RBFOX1: variants seen among roughly 807,000 people sequenced by gnomAD.
The protein encoded by RBFOX1 is RNA binding fox-1 homolog 1.
In RBFOX1, 8 loss-of-function variants were observed where a neutral mutation model predicts 57.7. The observed-to-expected ratio is 0.14, with a 90% CI of 0.08 to 0.25. The LOEUF is 0.25. RBFOX1 is among the 10% of genes least tolerant of loss of function. The probability of loss-of-function intolerance (pLI) is 1.00; values close to 1 mark genes in which losing one functional copy is unlikely to be tolerated. For missense variants in RBFOX1, 611 were observed against 548.5 expected (o/e 1.11, Z -1.14); for synonymous variants, 326 against 222.4 (o/e 1.47, Z -4.15).
intron 1 of RBFOX1, among the ~76,000 whole-genome samples, chr16:5,404,374 C>T (rs1388086713): frequency 6.6e-6 from 1 of 151,994 alleles, no homozygotes; most frequent in Non-Finnish European, 1.5e-5. Context: ...ATGATGAATC[C>T]CCTGAAGGCT....
chr16:6,905,655 C>A (rs1002397343), intron 3 of RBFOX1, among the ~76,000 whole-genome samples: 1 of 152,028 alleles, frequency 6.6e-6, no homozygotes, highest in Non-Finnish European at 1.5e-5. Flanking sequence ...GCAACATTGC[C>A]CCCACCATCA....
intron 3 of RBFOX1, among the ~76,000 whole-genome samples, chr16:6,903,718 G>A (rs766072650): frequency 6.6e-6 from 1 of 152,090 alleles, no homozygotes; most frequent in African/African-American, 2.4e-5. Context: ...AGCAAGCACT[G>A]GGAGGGACTA....
intron 2 of RBFOX1, among the ~76,000 whole-genome samples, chr16:6,549,405 GGAGGGAGGAGGA>G (rs1223574067): frequency 7.6e-5 from 1 of 13,234 alleles, no homozygotes; most frequent in Non-Finnish European, 1.8e-4. Flanking sequence ...GGGAGGAGGA[GGAGGGAGGAGGA>G]GGAGGAGGGG....
intron 1 of RBFOX1, among the ~76,000 whole-genome samples, chr16:5,393,738 A>G (rs1177156327): frequency 2.0e-5 from 3 of 152,232 alleles, no homozygotes; most frequent in Non-Finnish European, 2.9e-5. Flanking sequence ...CATGTTTACC[A>G]TGTCTAAACC....
chr16:6,337,152 A>G (rs2083880769), intron 2 of RBFOX1, among the ~76,000 whole-genome samples: 1 of 152,202 alleles, frequency 6.6e-6, no homozygotes, highest in Non-Finnish European at 1.5e-5. Flanking sequence ...TTATGAATTA[A>G]TGCATTTCTG....
chr16:7,319,367 C>G (rs1383247949), intron 4 of RBFOX1, among the ~76,000 whole-genome samples: 1 of 152,100 alleles, frequency 6.6e-6, no homozygotes, highest in Non-Finnish European at 1.5e-5. Flanking sequence ...AAATTAGTGC[C>G]TAACCAGCTC....
chr16:6,185,364 G>A (rs1333208431), intron 1 of RBFOX1, among the ~76,000 whole-genome samples: 2 of 152,058 alleles, frequency 1.3e-5, no homozygotes, highest in Admixed American at 1.3e-4. Flanking sequence ...CACCTTCGAG[G>A]TGATCTTATC....
intron 4 of RBFOX1, among the ~76,000 whole-genome samples, chr16:7,282,061 G>A (rs1603483330): frequency 6.6e-6 from 1 of 151,936 alleles, no homozygotes; most frequent in African/African-American, 2.4e-5. Context: ...TAGAGACAGG[G>A]TTTCTATTTG....
At chr16:6,993,960 T>A (rs980363580) in intron 3 of RBFOX1, among the ~76,000 whole-genome samples, 4 of 152,132 alleles carry the variant, frequency 2.6e-5, no homozygotes, top group African/African-American at 9.7e-5. Context: ...GGCAGAAAGA[T>A]TATGCAGGGA....
intron 1 of RBFOX1, among the ~76,000 whole-genome samples, chr16:6,239,660 G>C (rs1269092064): frequency 6.6e-6 from 1 of 151,918 alleles, no homozygotes; most frequent in East Asian, 2.0e-4. Flanking sequence ...ACCATGTCCA[G>C]CTAATTTTTG....
At chr16:6,534,665 T>G (rs2096711128) in intron 2 of RBFOX1, among the ~76,000 whole-genome samples, 2 of 152,150 alleles carry the variant, frequency 1.3e-5, no homozygotes, top group Admixed American at 1.3e-4. Flanking sequence ...TAAAAAAATC[T>G]TGGTTATAAA....
chr16:5,759,200 G>C (rs147305198), intron 3 of RBFOX1, among the ~76,000 whole-genome samples: 140 of 152,324 alleles, frequency 9.2e-4, no homozygotes, highest in Admixed American at 2.9e-3. Context: ...GCAAGGTTCA[G>C]TTTAGAATGT....
intron 4 of RBFOX1, among the ~76,000 whole-genome samples, chr16:7,057,713 A>G (rs539482616): frequency 1.3e-5 from 2 of 152,296 alleles, no homozygotes; most frequent in African/African-American, 4.8e-5. Flanking sequence ...AGCTGAGTAA[A>G]TAACACCATA....
intron 4 of RBFOX1, among the ~76,000 whole-genome samples, chr16:7,103,027 G>T (rs1878878089): frequency 6.6e-6 from 1 of 151,236 alleles, no homozygotes; most frequent in Admixed American, 6.6e-5. Flanking sequence ...ACGTCTATTT[G>T]TCTATCTATT....
chr16:5,303,347 C>T (rs1477678339), intron 1 of RBFOX1, among the ~76,000 whole-genome samples: 1 of 152,208 alleles, frequency 6.6e-6, no homozygotes, highest in Non-Finnish European at 1.5e-5. Flanking sequence ...TGCAGATAAG[C>T]CATACAAGCC....
chr16:7,087,787 T>G (rs566578480), intron 4 of RBFOX1, among the ~76,000 whole-genome samples: 23 of 152,314 alleles, frequency 1.5e-4, no homozygotes, highest in Middle Eastern at 3.4e-3. Flanking sequence ...CCAGATACTC[T>G]TGGTGAAGTA....
chr16:5,916,581 C>G (rs764396579), intron 4 of RBFOX1, among the ~76,000 whole-genome samples: 1 of 152,074 alleles, frequency 6.6e-6, no homozygotes, highest in Admixed American at 6.5e-5. Context: ...GTGCTGGGTC[C>G]TCCACTGCTT....
intron 2 of RBFOX1, among the ~76,000 whole-genome samples, chr16:5,518,072 A>C (rs2043860550): frequency 6.6e-6 from 1 of 152,174 alleles, no homozygotes; most frequent in Non-Finnish European, 1.5e-5. Flanking sequence ...CAAACATAAA[A>C]CAACCTATAA....
intron 11 of RBFOX1, among the ~76,000 whole-genome samples, chr16:7,640,333 G>C (rs2062566306): frequency 6.6e-6 from 1 of 152,222 alleles, no homozygotes; most frequent in African/African-American, 2.4e-5. Flanking sequence ...CTGCCATGCA[G>C]CTCTCTGTCA....
Sources: gnomAD v4.1 joint callset for allele counts (sites outside exome capture counted in the v4.1 genomes callset) on GRCh38, gnomAD v4.1.1 for gene constraint, MANE v1.5 for transcripts, NCBI Gene and HGNC (gene_info 2026-07-23, HGNC 2026-07-21) for gene names.